CCDC201: variants seen among roughly 807,000 people sequenced by gnomAD.
CCDC201 encodes coiled-coil domain-containing protein 201.
intron 2 of CCDC201, among the ~76,000 whole-genome samples, 185 bp from the exon 3 acceptor site, chr7:45,863,356 G>A (rs2116515455): frequency 1.3e-5 from 2 of 152,316 alleles, no homozygotes; most frequent in South Asian, 2.1e-4. Context: ...GCCACCCAGA[G>A]GGCCCACTCT....
At chr7:45,883,284 C>G in the CCDC201 span, among the ~76,000 whole-genome samples, 1 of 152,058 alleles carries the variant, frequency 6.6e-6, no homozygotes, top group Non-Finnish European at 1.5e-5. Flanking sequence ...CACACACACC[C>G]CAACACACAC....
chr7:45,863,464 A>C lies in CCDC201; in HGVS notation c.478-293T>G, dbSNP rs182036542. Among the ~76,000 whole-genome samples the C allele has an allele frequency of 3.3e-5, 5 of 152,304 alleles. No homozygotes were observed. In the East Asian group the frequency reaches 9.6e-4, roughly 29 times the overall value. ...GGACAGGGACAAAAAGTTCCAGGGA[A>C]GGGGCAGACAGGCTGCGAGCATGGA... On this transcript the variant is annotated intron_variant, in intron 2 of 2. Coordinates refer to ENST00000636578, the Ensembl canonical transcript of CCDC201.
the CCDC201 span, among the ~76,000 whole-genome samples, chr7:45,881,609 GT>G: frequency 6.6e-6 from 1 of 152,310 alleles, no homozygotes; most frequent in East Asian, 1.9e-4. Context: ...ATTAGGAGGG[GT>G]CTGTCACCTG....
chr7:45,871,853 G>A (rs527346013), intron 1 of CCDC201, among the ~76,000 whole-genome samples: 9 of 152,158 alleles, frequency 5.9e-5, no homozygotes, highest in South Asian at 4.2e-4. Context: ...TTTATCTATC[G>A]GACTTCAAAA....
At chr7:45,873,853 C>T (rs1786770050), upstream of CCDC201, among the ~76,000 whole-genome samples, 1 of 151,498 alleles carries the variant, frequency 6.6e-6, no homozygotes, top group Admixed American at 6.6e-5. Flanking sequence ...GACATAATCT[C>T]AGTTTTCTAA....
the CCDC201 span, among the ~76,000 whole-genome samples, chr7:45,882,350 G>T: frequency 6.6e-6 from 1 of 152,218 alleles, no homozygotes; most frequent in South Asian, 2.1e-4. Flanking sequence ...TGTTCATGCA[G>T]TGCTTTCTTG....
At chr7:45,875,963 T>G (rs1261906939), upstream of CCDC201, among the ~76,000 whole-genome samples, 1 of 152,234 alleles carries the variant, frequency 6.6e-6, no homozygotes, top group East Asian at 1.9e-4. Context: ...AATAGTGGCC[T>G]GCAGAGATGA....
At chr7:45,870,578 C>A (rs1418032167) in intron 1 of CCDC201, among the ~76,000 whole-genome samples, 2 of 152,004 alleles carry the variant, frequency 1.3e-5, no homozygotes, top group Non-Finnish European at 2.9e-5. Flanking sequence ...ATACATGAAA[C>A]AAGACCAAAA....
chr7:45,884,378 G>A, the CCDC201 span, among the ~76,000 whole-genome samples: 19 of 152,184 alleles, frequency 1.2e-4, no homozygotes, highest in Admixed American at 2.0e-4. Flanking sequence ...AATTACAGGC[G>A]TGAGCCACTT....
the CCDC201 span, among the ~76,000 whole-genome samples, chr7:45,881,325 A>C: frequency 6.6e-6 from 1 of 151,942 alleles, no homozygotes; most frequent in Non-Finnish European, 1.5e-5. Flanking sequence ...TCTTCCCTCA[A>C]ATGTGTCCAT....
chr7:45,872,348 G>A (rs1786751260), intron 1 of CCDC201, among the ~76,000 whole-genome samples: 1 of 152,208 alleles, frequency 6.6e-6, no homozygotes, highest in East Asian at 1.9e-4. Context: ...AACGCAGGGT[G>A]CTAAGGACAG....
intron 1 of CCDC201, among the ~76,000 whole-genome samples, chr7:45,866,823 C>T (rs1562789792): frequency 6.6e-6 from 1 of 152,090 alleles, no homozygotes; most frequent in Non-Finnish European, 1.5e-5. Context: ...ATTTTTCCAC[C>T]AAGAAAAATC....
intron 2 of CCDC201, among the ~76,000 whole-genome samples, chr7:45,864,314 C>T (rs1016554618): frequency 3.9e-5 from 6 of 152,184 alleles, no homozygotes; most frequent in East Asian, 1.9e-4. Context: ...CCACAACATG[C>T]GTTCCACATG....
exon 3 of CCDC201, chr7:45,861,586 C>T (rs1267186774): frequency 1.3e-5 from 2 of 152,194 alleles, no homozygotes; most frequent in Non-Finnish European, 2.9e-5. Flanking sequence ...CCAGGAAGAA[C>T]CCAATTATTG....
the CCDC201 span, among the ~76,000 whole-genome samples, chr7:45,878,239 C>G: frequency 6.6e-6 from 1 of 152,202 alleles, no homozygotes; most frequent in African/African-American, 2.4e-5. Context: ...TCCAGGTGCA[C>G]AGTGCAAACT....
At chr7:45,864,479 C>T (rs114791961) in intron 2 of CCDC201, among the ~76,000 whole-genome samples, 1,886 of 152,294 alleles carry the variant, frequency 0.012, 41 homozygotes, top group African/African-American at 0.043. Flanking sequence ...AGATGTGGTG[C>T]AGTGAAGAAG....
At chr7:45,876,474 A>G (rs2331390), upstream of CCDC201, among the ~76,000 whole-genome samples, 78,334 of 151,882 alleles carry the variant, frequency 0.52, 20,382 homozygotes, top group East Asian at 0.63. Flanking sequence ...GTCCCAAAAT[A>G]CAGCACAAAG....
At chr7:45,867,615 C>T (rs1786692098) in intron 1 of CCDC201, among the ~76,000 whole-genome samples, 1 of 152,206 alleles carries the variant, frequency 6.6e-6, no homozygotes, top group Non-Finnish European at 1.5e-5. Flanking sequence ...CACAAGAATG[C>T]AGAATGTACC....
chr7:45,867,647 C>T (rs1786692413), intron 1 of CCDC201, among the ~76,000 whole-genome samples: 1 of 152,228 alleles, frequency 6.6e-6, no homozygotes, highest in Admixed American at 6.5e-5. Context: ...CAAAAAAGCA[C>T]ATCAGCATTC....
Sources: gnomAD v4.1 joint callset for allele counts (sites outside exome capture counted in the v4.1 genomes callset) on GRCh38, gnomAD v4.1.1 for gene constraint, MANE v1.5 for transcripts, NCBI Gene and HGNC (gene_info 2026-07-23, HGNC 2026-07-21) for gene names.